Variants in RPS6KC1 observed in about 807,000 individuals in gnomAD.
RPS6KC1 encodes the protein ribosomal protein S6 kinase C1, also known as inactive ribosomal protein S6 kinase delta-1.
In RPS6KC1, 54 loss-of-function variants were observed where a neutral mutation model predicts 103.8. The observed-to-expected ratio is 0.52, with a 90% CI of 0.42 to 0.65. The LOEUF (loss-of-function observed/expected upper bound fraction) is 0.65. Among genes scored for constraint, RPS6KC1 ranks in the 30% least tolerant of loss-of-function variants. RPS6KC1 has a pLI of 0.00. For synonymous variants in RPS6KC1, 439 were observed against 438.7 expected (o/e 1.00, Z -0.01); for missense variants, 1,151 against 1,253.8 (o/e 0.92, Z 1.24).
At chr1:213,056,980 C>T (rs2148298740) in intron 1 of RPS6KC1, among the ~76,000 whole-genome samples, 1 of 152,082 alleles carries the variant, frequency 6.6e-6, no homozygotes, top group East Asian at 1.9e-4. Flanking sequence ...CACTCTGTCA[C>T]CCAGGCTGGA....
chr1:213,455,055 C>T, the RPS6KC1 span, among the ~76,000 whole-genome samples: 2 of 152,294 alleles, frequency 1.3e-5, no homozygotes, highest in African/African-American at 4.8e-5. Context: ...GTCTGACTCC[C>T]ATGTGGACAT....
chr1:213,819,414 AG>A, the RPS6KC1 span: 2 of 152,322 alleles, frequency 1.3e-5, no homozygotes, highest in South Asian at 4.1e-4. Context: ...TGAAAATTCC[AG>A]GGCCACACTC....
chr1:213,296,391 G>C, the RPS6KC1 span, among the ~76,000 whole-genome samples: 26 of 152,158 alleles, frequency 1.7e-4, no homozygotes, highest in African/African-American at 6.3e-4. Flanking sequence ...TCAATGCAAA[G>C]AGAGCCAAGT....
chr1:213,584,355 T>C, the RPS6KC1 span, among the ~76,000 whole-genome samples: 1 of 152,328 alleles, frequency 6.6e-6, no homozygotes, highest in Admixed American at 6.5e-5. Flanking sequence ...TGGCAGTCCC[T>C]AGAACACTCT....
intron 12 of RPS6KC1, among the ~76,000 whole-genome samples, chr1:213,252,151 A>G (rs954633296): frequency 2.6e-5 from 4 of 152,234 alleles, no homozygotes; most frequent in Admixed American, 2.6e-4. Flanking sequence ...CAGCCCCTGC[A>G]TAGAAAATCT....
At chr1:213,410,046 T>TAAG in the RPS6KC1 span, among the ~76,000 whole-genome samples, 2 of 152,174 alleles carry the variant, frequency 1.3e-5, no homozygotes, top group African/African-American at 4.8e-5. Context: ...TCTTAGCTAC[T>TAAG]TGGGAAGCTA....
chr1:213,492,760 A>G, the RPS6KC1 span, among the ~76,000 whole-genome samples: 39 of 152,206 alleles, frequency 2.6e-4, no homozygotes, highest in Non-Finnish European at 5.4e-4. Flanking sequence ...CTGGCTGTGA[A>G]CAATTCTGTC....
At chr1:213,723,697 T>C in the RPS6KC1 span, among the ~76,000 whole-genome samples, 2 of 152,116 alleles carry the variant, frequency 1.3e-5, no homozygotes, top group South Asian at 4.1e-4. Flanking sequence ...CAAAGTCAAA[T>C]TTCACTCAAT....
chr1:213,341,191 C>T, the RPS6KC1 span, among the ~76,000 whole-genome samples: 1 of 152,168 alleles, frequency 6.6e-6, no homozygotes, highest in African/African-American at 2.4e-5. Flanking sequence ...TCCCTTTTAT[C>T]TTCACGGCTC....
chr1:213,198,908 A>G (rs1477670235), intron 8 of RPS6KC1, among the ~76,000 whole-genome samples: 2 of 152,208 alleles, frequency 1.3e-5, no homozygotes, highest in Non-Finnish European at 2.9e-5. Context: ...AGTCCCCTCA[A>G]CATACATCCA....
At chr1:213,501,887 C>A in the RPS6KC1 span, among the ~76,000 whole-genome samples, 2 of 152,210 alleles carry the variant, frequency 1.3e-5, no homozygotes, top group Non-Finnish European at 2.9e-5. Flanking sequence ...TTGTCTCAAG[C>A]AACATGCAAT....
the RPS6KC1 span, among the ~76,000 whole-genome samples, chr1:213,418,799 C>T: frequency 6.6e-6 from 1 of 152,176 alleles, no homozygotes; most frequent in Non-Finnish European, 1.5e-5. Flanking sequence ...CTTCTTTTTC[C>T]TCCCCCGGGG....
the RPS6KC1 span, among the ~76,000 whole-genome samples, chr1:213,633,132 T>C: frequency 6.6e-6 from 1 of 152,182 alleles, no homozygotes; most frequent in Non-Finnish European, 1.5e-5. Context: ...CTTGAGGATA[T>C]AATCCAGAAG....
At chr1:213,607,970 C>A in the RPS6KC1 span, among the ~76,000 whole-genome samples, 9 of 152,278 alleles carry the variant, frequency 5.9e-5, no homozygotes, top group Admixed American at 3.3e-4. Flanking sequence ...GACAGGAGAA[C>A]GCTGTGGCTG....
the RPS6KC1 span, among the ~76,000 whole-genome samples, chr1:213,861,524 C>G: frequency 2.0e-5 from 3 of 152,184 alleles, no homozygotes; most frequent in Admixed American, 6.5e-5. Context: ...GAGAAAGAAG[C>G]TTTTAAAACA....
At chr1:213,465,183 T>G in the RPS6KC1 span, among the ~76,000 whole-genome samples, 1 of 152,142 alleles carries the variant, frequency 6.6e-6, no homozygotes, top group African/African-American at 2.4e-5. Flanking sequence ...CTGCTTCGCC[T>G]TCTTCCCCTA....
chr1:213,225,851 C>T lies in RPS6KC1; in HGVS notation c.1045-4646C>T, dbSNP rs866181905. Among the ~76,000 whole-genome samples, 747 of 152,272 alleles carry T rather than the reference C, an allele frequency of 4.9e-3. 4 individuals are homozygous for T. Among genetic ancestry groups the T allele is most frequent in the African/African-American group, 0.015 (611 of 41,540 alleles). ...GGTTATACAGCTTCCATGCCTTTTA[C>T]CTAGTGAGATGTGTTCTACTTTATA... On this transcript the variant is annotated intron_variant, in intron 8 of 14. Transcript: ENST00000366960.
the RPS6KC1 span, among the ~76,000 whole-genome samples, chr1:213,543,993 A>G: frequency 2.0e-5 from 3 of 152,334 alleles, no homozygotes; most frequent in East Asian, 5.8e-4. Context: ...ACACTAGTTC[A>G]TCATCTGCAG....
At chr1:213,578,795 GA>G in the RPS6KC1 span, among the ~76,000 whole-genome samples, 4 of 152,214 alleles carry the variant, frequency 2.6e-5, no homozygotes, top group African/African-American at 9.6e-5. Flanking sequence ...GGGCAGAAGA[GA>G]TTTGCCTTGC....
Sources: gnomAD v4.1 joint callset for allele counts (sites outside exome capture counted in the v4.1 genomes callset) on GRCh38, gnomAD v4.1.1 for gene constraint, MANE v1.5 for transcripts, NCBI Gene and HGNC (gene_info 2026-07-23, HGNC 2026-07-21) for gene names.